The following SGCZ variants were observed in gnomAD, a reference collection of about 807,000 sequenced individuals.
SGCZ encodes sarcoglycan zeta.
SGCZ carries 40 observed loss-of-function variants against 41.3 expected under a neutral mutation model. That is an observed-to-expected ratio of 0.97 (90% CI 0.75 to 1.26). SGCZ has a LOEUF of 1.26. Ranked by LOEUF, SGCZ falls within the 50% of genes most tolerant of loss-of-function variation. SGCZ has a pLI of 0.00. For missense variants in SGCZ, 552 were observed against 369.8 expected, an observed-to-expected ratio of 1.49 and a Z score of -4.04; for synonymous variants, 206 against 137.5, an observed-to-expected ratio of 1.50 and a Z score of -3.49.
At chr8:15,152,787 G>T (rs1404709552) in intron 1 of SGCZ, among the ~76,000 whole-genome samples, 1 of 152,118 alleles carries the variant, frequency 6.6e-6, no homozygotes, top group African/African-American at 2.4e-5. Context: ...CACTAGTATT[G>T]TCTAGAGCAA....
chr8:14,439,613 G>C (rs78697789), intron 2 of SGCZ, among the ~76,000 whole-genome samples: 4,780 of 151,742 alleles, frequency 0.032, 222 homozygotes, highest in African/African-American at 0.11. Context: ...ATGAATGCAA[G>C]CTTAGCTCCA....
chr8:15,179,709 C>A (rs549518276), intron 1 of SGCZ, among the ~76,000 whole-genome samples: 1 of 152,262 alleles, frequency 6.6e-6, no homozygotes, highest in East Asian at 1.9e-4. Flanking sequence ...CAAAAAAGGA[C>A]AGCCTCCTCA....
intron 1 of SGCZ, among the ~76,000 whole-genome samples, chr8:15,058,504 C>A (rs977283498): frequency 1.3e-5 from 2 of 152,172 alleles, no homozygotes; most frequent in East Asian, 3.9e-4. Context: ...TATAACAAAT[C>A]TTAAAAATCT....
intron 1 of SGCZ, among the ~76,000 whole-genome samples, chr8:14,676,446 G>A (rs1808282050): frequency 6.6e-6 from 1 of 152,052 alleles, no homozygotes; most frequent in African/African-American, 2.4e-5. Flanking sequence ...TTGAGTCCAG[G>A]ACTTCGAGGC....
At chr8:15,168,459 G>A (rs920154930) in intron 1 of SGCZ, among the ~76,000 whole-genome samples, 1 of 152,146 alleles carries the variant, frequency 6.6e-6, no homozygotes, top group Non-Finnish European at 1.5e-5. Context: ...CTATTCTCTA[G>A]CTCCCCCCAC....
Position 14,898,435 on chromosome 8 carries a change from G to A in SGCZ, c.39+339150C>T, listed in dbSNP as rs1309866520. On this transcript the variant is annotated intron_variant, in intron 1 of 7. Coordinates refer to ENST00000382080, the MANE Select transcript of SGCZ (RefSeq NM_139167.4). ...TGTAAGGCGGCCTGCTGCAGAGGTT[G>A]GGAGGGTCACAGGTAAGAATTTGGC... 3.3e-5 allele frequency among the ~76,000 whole-genome samples: 5 copies of A among 152,236 alleles called. No homozygotes were observed. In the East Asian group the frequency reaches 7.7e-4, roughly 24 times the overall value.
intron 1 of SGCZ, among the ~76,000 whole-genome samples, chr8:14,969,414 T>G (rs2130862335): frequency 6.6e-6 from 1 of 152,166 alleles, no homozygotes; most frequent in Middle Eastern, 3.4e-3. Flanking sequence ...AAGTATAGAA[T>G]TTGGAAAGCT....
intron 2 of SGCZ, among the ~76,000 whole-genome samples, chr8:14,421,812 C>T (rs976782715): frequency 1.3e-5 from 2 of 152,024 alleles, no homozygotes; most frequent in South Asian, 4.2e-4. Flanking sequence ...AAAATATATA[C>T]TAAATTTTAT....
intron 1 of SGCZ, among the ~76,000 whole-genome samples, chr8:14,567,304 G>A (rs1237028645): frequency 6.6e-6 from 1 of 152,208 alleles, no homozygotes; most frequent in Non-Finnish European, 1.5e-5. Flanking sequence ...GAGCTCCTGA[G>A]TCTAGTGGGG....
At chr8:15,134,313 T>TG (rs1554463552) in intron 1 of SGCZ, among the ~76,000 whole-genome samples, 48 of 151,558 alleles carry the variant, frequency 3.2e-4, no homozygotes, top group Middle Eastern at 3.4e-3. Flanking sequence ...TCTTTTTTTT[T>TG]TTTGTTTCTT....
At chr8:14,424,551 A>G (rs1799724315) in intron 2 of SGCZ, among the ~76,000 whole-genome samples, 1 of 152,168 alleles carries the variant, frequency 6.6e-6, no homozygotes, top group Non-Finnish European at 1.5e-5. Flanking sequence ...ATGGTACCAT[A>G]ATGTACATTA....
intron 2 of SGCZ, among the ~76,000 whole-genome samples, chr8:14,519,632 C>G (rs1802729872): frequency 6.6e-6 from 1 of 152,030 alleles, no homozygotes; most frequent in Admixed American, 6.6e-5. Context: ...AGAATATTTC[C>G]TGGCCTCTCT....
At chr8:14,964,511 T>C (rs546147431) in intron 1 of SGCZ, among the ~76,000 whole-genome samples, 2 of 152,312 alleles carry the variant, frequency 1.3e-5, no homozygotes, top group East Asian at 3.9e-4. Flanking sequence ...TGCAGGAATT[T>C]CATTAGCGCA....
intron 1 of SGCZ, among the ~76,000 whole-genome samples, chr8:14,885,155 T>C (rs1804739604): frequency 6.6e-6 from 1 of 152,194 alleles, no homozygotes; most frequent in Non-Finnish European, 1.5e-5. Context: ...TTCTGCTTTG[T>C]ATCACATACG....
At chr8:14,318,486 C>A (rs138172322) in intron 3 of SGCZ, among the ~76,000 whole-genome samples, 1 of 151,858 alleles carries the variant, frequency 6.6e-6, no homozygotes, top group South Asian at 2.1e-4. Context: ...TAACCCATAT[C>A]TCCAGAAACA....
intron 1 of SGCZ, among the ~76,000 whole-genome samples, chr8:15,032,359 C>T (rs772573453): frequency 6.6e-6 from 1 of 152,156 alleles, no homozygotes; most frequent in Non-Finnish European, 1.5e-5. Flanking sequence ...CGCACATCAG[C>T]ACTACTCCAA....
chr8:15,109,511 A>G (rs888055331), intron 1 of SGCZ, among the ~76,000 whole-genome samples: 1 of 152,160 alleles, frequency 6.6e-6, no homozygotes, highest in South Asian at 2.1e-4. Flanking sequence ...TTTATTTGCA[A>G]TGAGTCACAG....
chr8:14,177,776 A>T lies in SGCZ; in HGVS notation c.425-13074T>A, dbSNP rs988576351. ...CCTGACCTCGTGATCCATTCGCCTC[A>T]GCCTCCCAAAGTGCTGGGATTACAG... is the stretch of plus-strand genomic sequence containing the variant. On this transcript the variant is annotated intron_variant, in intron 4 of 7. Transcript: ENST00000382080. Among the ~76,000 whole-genome samples the T allele has an allele frequency of 2.7e-5, 4 of 146,984 alleles. No homozygotes were observed. The South Asian group carries it at 8.5e-4, about 31-fold the overall frequency.
chr8:14,109,561 T>A (rs945743292), intron 5 of SGCZ, among the ~76,000 whole-genome samples: 6 of 152,262 alleles, frequency 3.9e-5, no homozygotes, highest in African/African-American at 1.4e-4. Flanking sequence ...AATTTAAAAA[T>A]ATGTATTTGA....
Sources: gnomAD v4.1 joint callset for allele counts (sites outside exome capture counted in the v4.1 genomes callset) on GRCh38, gnomAD v4.1.1 for gene constraint, MANE v1.5 for transcripts, NCBI Gene and HGNC (gene_info 2026-07-23, HGNC 2026-07-21) for gene names.